ULK4: variants seen among roughly 807,000 people sequenced by gnomAD.
The protein encoded by ULK4 is unc-51 like kinase 4, also known as inactive serine/threonine-protein kinase ULK4.
In ULK4, 133 loss-of-function variants were observed where a neutral mutation model predicts 160.6. The observed-to-expected ratio is 0.83, with a 90% CI of 0.72 to 0.96. The LOEUF is 0.96. ULK4 is among the 40% of genes least tolerant of loss of function. The probability of loss-of-function intolerance (pLI) is 0.00; values close to 1 mark genes in which losing one functional copy is unlikely to be tolerated. For synonymous variants in ULK4, 534 were observed against 539.8 expected (o/e 0.99, Z 0.15); for missense variants, 1,580 against 1,499.5 (o/e 1.05, Z -0.89).
Position 41,806,082 on chromosome 3 carries a change from T to C in ULK4, c.1849-5789A>G, listed in dbSNP as rs1472724982. Among the ~76,000 whole-genome samples the C allele has an allele frequency of 2.0e-5, 3 of 146,396 alleles. No homozygotes were observed. In the East Asian group the frequency reaches 5.8e-4, roughly 28 times the overall value. On this transcript the variant is annotated intron_variant, in intron 19 of 36. Transcript: ENST00000301831. Reference sequence around the variant, plus strand: ...TGGTACCAGTTCCTCCTTGTACCTCTGGTAGAATTCGGCTGTGAATCCATC... The same window carrying C: ...TGGTACCAGTTCCTCCTTGTACCTCCGGTAGAATTCGGCTGTGAATCCATC...
chr3:41,644,144 A>C (rs1456373475), intron 30 of ULK4, among the ~76,000 whole-genome samples: 2 of 152,134 alleles, frequency 1.3e-5, no homozygotes, highest in African/African-American at 4.8e-5. Flanking sequence ...GCAAACAGGG[A>C]CAATTTGACT....
intron 17 of ULK4, among the ~76,000 whole-genome samples, chr3:41,876,424 G>C (rs1015770365): frequency 2.6e-5 from 4 of 152,156 alleles, no homozygotes; most frequent in Non-Finnish European, 4.4e-5. Context: ...CCAACACCAA[G>C]TATTCATGAG....
At chr3:41,561,828 T>C (rs910386463) in intron 32 of ULK4, among the ~76,000 whole-genome samples, 5 of 152,158 alleles carry the variant, frequency 3.3e-5, no homozygotes, top group Non-Finnish European at 7.4e-5. Context: ...GATTCACTGA[T>C]TTTTTGAAGG....
chr3:41,782,984 T>C (rs1319143536), intron 21 of ULK4, among the ~76,000 whole-genome samples: 1 of 146,134 alleles, frequency 6.8e-6, no homozygotes, highest in South Asian at 2.1e-4. Context: ...ATAGGAGAAA[T>C]ATGAGCCAGC....
rs116761984 is a variant in ULK4, at chr3:41,917,668, A to C, written c.727+789T>G. ...ATTAAAGTTCCAACACTTTAAAAAT[A>C]ATACAACTGTATCTAATTTTAAAGA... On this transcript the variant is annotated intron_variant, in intron 7 of 36. Coordinates refer to ENST00000301831, the MANE Select transcript of ULK4 (RefSeq NM_017886.4). Among the ~76,000 whole-genome samples the C allele has an allele frequency of 6.0e-3, 909 of 152,252 alleles. 11 individuals are homozygous for C. Among genetic ancestry groups the C allele is most frequent in the African/African-American group, 0.021 (858 of 41,538 alleles).
chr3:41,685,647 T>G (rs946915651), intron 27 of ULK4, among the ~76,000 whole-genome samples: 2 of 152,282 alleles, frequency 1.3e-5, no homozygotes, highest in Non-Finnish European at 2.9e-5. Context: ...TCGCAACCAG[T>G]TGTGCTGACC....
intron 35 of ULK4, among the ~76,000 whole-genome samples, chr3:41,381,805 G>A (rs1452910832): frequency 2.0e-5 from 3 of 151,776 alleles, no homozygotes; most frequent in Admixed American, 2.0e-4. Flanking sequence ...ACTTCACTGG[G>A]GATAAAGACC....
intron 19 of ULK4, among the ~76,000 whole-genome samples, chr3:41,802,805 G>A (rs1559563562): frequency 6.6e-6 from 1 of 152,122 alleles, no homozygotes; most frequent in Non-Finnish European, 1.5e-5. Context: ...AGGTTCATAT[G>A]TAAGCATTTG....
chr3:41,367,561 G>A (rs775972430), intron 35 of ULK4, among the ~76,000 whole-genome samples: 9 of 152,136 alleles, frequency 5.9e-5, no homozygotes, highest in Non-Finnish European at 8.8e-5. Flanking sequence ...AAAACCCCTG[G>A]CCCTGAGTCT....
At chr3:41,430,325 C>T (rs2082876303) in intron 34 of ULK4, among the ~76,000 whole-genome samples, 1 of 152,120 alleles carries the variant, frequency 6.6e-6, no homozygotes, top group African/African-American at 2.4e-5. Context: ...AATAAAGTTT[C>T]AGCTTTATAA....
At chr3:41,495,605 G>A (rs922768481) in intron 32 of ULK4, among the ~76,000 whole-genome samples, 127 of 150,508 alleles carry the variant, frequency 8.4e-4, no homozygotes, top group African/African-American at 2.8e-3. Flanking sequence ...AAGAGCTTCT[G>A]CACAGCAAAA....
intron 35 of ULK4, among the ~76,000 whole-genome samples, chr3:41,374,882 A>G (rs1370876776): frequency 6.6e-6 from 1 of 152,246 alleles, no homozygotes; most frequent in African/African-American, 2.4e-5. Context: ...GTATATTTAG[A>G]AAACTTCATC....
chr3:41,530,721 A>G (rs1304950965), intron 32 of ULK4, among the ~76,000 whole-genome samples: 1 of 152,190 alleles, frequency 6.6e-6, no homozygotes, highest in East Asian at 1.9e-4. Flanking sequence ...AACAACTAGA[A>G]TAACTGAATA....
At chr3:41,775,698 C>T (rs1179610682) in intron 21 of ULK4, among the ~76,000 whole-genome samples, 2 of 150,690 alleles carry the variant, frequency 1.3e-5, no homozygotes, top group African/African-American at 5.0e-5. Context: ...CGCGCCCAGC[C>T]GACAACTCCT....
intron 31 of ULK4, among the ~76,000 whole-genome samples, chr3:41,566,994 C>A (rs977886740): frequency 6.6e-6 from 1 of 152,124 alleles, no homozygotes; most frequent in Non-Finnish European, 1.5e-5. Flanking sequence ...GTGAGGACTC[C>A]TAGGAGTCTA....
chr3:41,249,450 A>C (rs1304625477), intron 36 of ULK4, 39 bp downstream of exon 36: 40 of 1,585,288 alleles, frequency 2.5e-5, no homozygotes, highest in Non-Finnish European at 3.3e-5. Context: ...GTGTGTGCTG[A>C]TCTAGAGCAG....
chr3:41,348,170 T>C (rs139890883), intron 35 of ULK4, among the ~76,000 whole-genome samples: 1,426 of 132,624 alleles, frequency 0.011, 18 homozygotes, highest in African/African-American at 0.04. Flanking sequence ...GATTACACCA[T>C]TGCACTCCAG....
intron 18 of ULK4, among the ~76,000 whole-genome samples, chr3:41,832,590 T>C (rs961787451): frequency 1.3e-5 from 2 of 152,236 alleles, no homozygotes; most frequent in African/African-American, 2.4e-5. Context: ...TTGCTTTTGG[T>C]GTTTTTGTCA....
At chr3:41,832,120 G>A (rs184288407) in intron 18 of ULK4, among the ~76,000 whole-genome samples, 23 of 152,126 alleles carry the variant, frequency 1.5e-4, no homozygotes, top group Admixed American at 2.6e-4. Context: ...CTGAGGAATC[G>A]TCCTCCACAA....
Sources: allele counts gnomAD v4.1 joint callset (sites outside exome capture counted in the v4.1 genomes callset), GRCh38; gene constraint gnomAD v4.1.1; transcripts MANE v1.5; gene names NCBI Gene and HGNC (gene_info 2026-07-23, HGNC 2026-07-21).